ANK3: variants seen among roughly 807,000 people sequenced by gnomAD.
The protein encoded by ANK3 is ankyrin 3.
A neutral mutation model predicts 370.9 loss-of-function variants in ANK3; 57 were observed. The observed-to-expected ratio is 0.15, with a 90% CI of 0.12 to 0.19. The LOEUF is 0.19. ANK3 is among the 10% of genes least tolerant of loss of function. The probability of loss-of-function intolerance (pLI) is 1.00; values close to 1 mark genes in which losing one functional copy is unlikely to be tolerated. For missense variants in ANK3, 4,439 were observed against 5,302.1 expected (o/e 0.84, Z 5.06); for synonymous variants, 1,929 against 1,946.3 (o/e 0.99, Z 0.23).
intron 2 of ANK3, among the ~76,000 whole-genome samples, chr10:60,540,142 C>T (rs1004615862): frequency 2.6e-5 from 4 of 151,838 alleles, no homozygotes; most frequent in African/African-American, 7.2e-5. Context: ...ACCAATAAAA[C>T]ATTCTGCCCT....
intron 7 of ANK3, among the ~76,000 whole-genome samples, chr10:60,245,085 C>T (rs1046299609): frequency 6.6e-5 from 10 of 152,228 alleles, no homozygotes; most frequent in Non-Finnish European, 8.8e-5. Flanking sequence ...AGGAGAATGG[C>T]GTGAACCCGG....
intron 1 of ANK3, among the ~76,000 whole-genome samples, chr10:60,621,389 T>C (rs946666677): frequency 7.2e-5 from 11 of 152,220 alleles, no homozygotes; most frequent in African/African-American, 2.2e-4. Flanking sequence ...AAATGTCTAC[T>C]ACAGAGCTCA....
chr10:60,094,181 ATTTTTTTTTT>A lies in ANK3; in HGVS notation c.3329-5833_3329-5824del, dbSNP rs1169437967. Among the ~76,000 whole-genome samples the A allele has an allele frequency of 5.2e-5, 6 of 116,384 alleles. 1 individual carries two copies. Among genetic ancestry groups the A allele is most frequent in the Admixed American group, 9.7e-5 (1 of 10,358 alleles). The allele number at this position is 116,384 out of a possible 152,430, so 76.4% of individuals were successfully genotyped here. A position where few individuals can be genotyped will look rare whatever the true frequency, so the allele number is the denominator to read the frequency against. ...TGATGAAATGGAGAAACAGTATTCTATTTTTTTTTTTTTTTTTTTTTGGACAGGGTCTCAC... is the reference window on the plus strand; with the variant it reads ...TGATGAAATGGAGAAACAGTATTCTATTTTTTTTTTTGGACAGGGTCTCAC... On this transcript the variant is annotated intron_variant, in intron 28 of 43. Coordinates refer to ENST00000280772, the MANE Select transcript of ANK3 (RefSeq NM_020987.5).
intron 23 of ANK3, among the ~76,000 whole-genome samples, chr10:60,163,805 C>A (rs977162881): frequency 6.6e-6 from 1 of 151,806 alleles, no homozygotes; most frequent in Non-Finnish European, 1.5e-5. Context: ...TTTTCATTTT[C>A]TTTCTTGAGA....
At chr10:60,391,549 C>G (rs535340844), upstream of ANK3, among the ~76,000 whole-genome samples, 2 of 152,158 alleles carry the variant, frequency 1.3e-5, no homozygotes, top group African/African-American at 4.8e-5. Context: ...AACGTTCATA[C>G]AATTTCTTTT....
intron 38 of ANK3, among the ~76,000 whole-genome samples, chr10:60,064,668 C>CTCA (rs2081260218): frequency 9.1e-6 from 1 of 110,432 alleles, no homozygotes; most frequent in African/African-American, 4.2e-5. Flanking sequence ...TCTCCATACA[C>CTCA]ACAGCAACAA....
chr10:60,553,447 A>G (rs531056269), intron 2 of ANK3, among the ~76,000 whole-genome samples: 3 of 151,512 alleles, frequency 2.0e-5, no homozygotes, highest in East Asian at 3.9e-4. Context: ...TAGTTAATTC[A>G]TAATATATTT....
chr10:60,642,604 G>T (rs1435108553), intron 1 of ANK3, among the ~76,000 whole-genome samples: 1 of 148,158 alleles, frequency 6.7e-6, no homozygotes, highest in Non-Finnish European at 1.5e-5. Flanking sequence ...GACACAGGAA[G>T]GGGAACATCA....
chr10:60,095,550 T>C (rs1404546885), intron 28 of ANK3, among the ~76,000 whole-genome samples: 1 of 152,168 alleles, frequency 6.6e-6, no homozygotes, highest in East Asian at 1.9e-4. Context: ...CCTGCTAATT[T>C]CTAAACTTTT....
chr10:60,686,401 G>T (rs1343740812), intron 1 of ANK3, among the ~76,000 whole-genome samples: 1 of 152,088 alleles, frequency 6.6e-6, no homozygotes, highest in Non-Finnish European at 1.5e-5. Flanking sequence ...AGTGGTAAAA[G>T]AATATGAAGA....
At chr10:60,549,556 T>C (rs773431552) in intron 2 of ANK3, among the ~76,000 whole-genome samples, 23 of 152,120 alleles carry the variant, frequency 1.5e-4, no homozygotes, top group Non-Finnish European at 2.9e-4. Flanking sequence ...GCTTATAACA[T>C]ATTTTAACTC....
chr10:60,047,971 T>C (rs1194302094), intron 42 of ANK3, among the ~76,000 whole-genome samples: 1 of 152,156 alleles, frequency 6.6e-6, no homozygotes, highest in African/African-American at 2.4e-5. Flanking sequence ...CTATAGGAGT[T>C]TGAAAACATT....
chr10:60,427,631 G>T (rs1407966771), intron 2 of ANK3, among the ~76,000 whole-genome samples: 1 of 152,020 alleles, frequency 6.6e-6, no homozygotes, highest in East Asian at 1.9e-4. Context: ...TATCCAATAT[G>T]AATGCCATTT....
chr10:60,659,434 T>A (rs916845217), intron 1 of ANK3, among the ~76,000 whole-genome samples: 1 of 152,132 alleles, frequency 6.6e-6, no homozygotes, highest in Non-Finnish European at 1.5e-5. Context: ...ATAATTGTAG[T>A]TTCTCATTTT....
At chr10:60,279,176 C>A (rs1245915497) in intron 2 of ANK3, 28 bp from the exon 3 acceptor site, 1 of 1,600,878 alleles carries the variant, frequency 6.2e-7, no homozygotes, top group South Asian at 1.1e-5. Flanking sequence ...AAAAGCTCTA[C>A]TCAGCAGGTT....
At chr10:60,674,742 A>C (rs2079103909) in intron 1 of ANK3, among the ~76,000 whole-genome samples, 1 of 152,214 alleles carries the variant, frequency 6.6e-6, no homozygotes, top group Non-Finnish European at 1.5e-5. Context: ...AATCTCCCCC[A>C]TAGAGGTAAC....
At chr10:60,108,352 C>T (rs911745023) in intron 27 of ANK3, 61 of 262,982 alleles carry the variant, frequency 2.3e-4, no homozygotes, top group African/African-American at 1.4e-3. Context: ...CTGTCAGTCA[C>T]GACAGAGCCT....
At chr10:60,238,553 C>T (rs2097369744) in intron 7 of ANK3, among the ~76,000 whole-genome samples, 1 of 152,088 alleles carries the variant, frequency 6.6e-6, no homozygotes. Flanking sequence ...ACTAGCCTAG[C>T]ACAGAGTAAC....
intron 9 of ANK3, among the ~76,000 whole-genome samples, chr10:60,209,530 A>G (rs913844312): frequency 1.3e-5 from 2 of 152,206 alleles, no homozygotes; most frequent in Non-Finnish European, 1.5e-5. Context: ...AGAGCTTTGC[A>G]TATACAGAAA....
Sources: gnomAD v4.1 joint callset for allele counts (sites outside exome capture counted in the v4.1 genomes callset) on GRCh38, gnomAD v4.1.1 for gene constraint, MANE v1.5 for transcripts, NCBI Gene and HGNC (gene_info 2026-07-23, HGNC 2026-07-21) for gene names.